The following CFAP20DC variants were observed in gnomAD, a reference collection of about 807,000 sequenced individuals.
CFAP20DC encodes protein CFAP20DC.
In CFAP20DC, 84 loss-of-function variants were observed where a neutral mutation model predicts 101.7. That is an observed-to-expected ratio of 0.83 (90% CI 0.69 to 0.99). CFAP20DC has a LOEUF of 0.99. CFAP20DC is among the 50% of genes least tolerant of loss of function. The pLI is 0.00. For missense variants in CFAP20DC, 1,007 were observed against 970.3 expected (o/e 1.04, Z -0.50); for synonymous variants, 359 against 351.2 (o/e 1.02, Z -0.25).
intron 4 of CFAP20DC, among the ~76,000 whole-genome samples, chr3:58,973,215 A>C (rs1213217589): frequency 1.3e-5 from 2 of 152,218 alleles, no homozygotes; most frequent in Non-Finnish European, 2.9e-5. Flanking sequence ...TGTTTAATTG[A>C]ATCTCTTCCT....
intron 5 of CFAP20DC, among the ~76,000 whole-genome samples, chr3:58,930,557 T>A (rs967594029): frequency 6.6e-6 from 1 of 152,230 alleles, no homozygotes; most frequent in Admixed American, 6.5e-5. Context: ...GTCCTAACTA[T>A]GACAGGGAGA....
chr3:58,802,563 A>G (rs1251061493), intron 15 of CFAP20DC, among the ~76,000 whole-genome samples: 1 of 152,234 alleles, frequency 6.6e-6, no homozygotes, highest in Non-Finnish European at 1.5e-5. Flanking sequence ...CATGCCTAAC[A>G]GCGTAAGGGG....
At chr3:59,009,767 G>A (rs921512194) in intron 4 of CFAP20DC, among the ~76,000 whole-genome samples, 14 of 152,112 alleles carry the variant, frequency 9.2e-5, no homozygotes, top group Non-Finnish European at 1.9e-4. Flanking sequence ...TAGGCACACA[G>A]TCATCAGGAC....
At chr3:58,749,620 A>T (rs1331975761) in intron 16 of CFAP20DC, among the ~76,000 whole-genome samples, 2 of 152,218 alleles carry the variant, frequency 1.3e-5, no homozygotes, top group Non-Finnish European at 2.9e-5. Flanking sequence ...TTTTTATGAG[A>T]ATCAGGCAAC....
chr3:58,938,190 T>C (rs1005010366), intron 4 of CFAP20DC, among the ~76,000 whole-genome samples: 1 of 152,234 alleles, frequency 6.6e-6, no homozygotes, highest in Non-Finnish European at 1.5e-5. Flanking sequence ...TCATTTTGTA[T>C]AGGCTCTTAG....
intron 6 of CFAP20DC, among the ~76,000 whole-genome samples, chr3:58,903,122 G>A (rs1333626898): frequency 6.6e-6 from 1 of 151,874 alleles, no homozygotes; most frequent in African/African-American, 2.4e-5. Flanking sequence ...CTTTCTTGAT[G>A]GTGTTCTTTG....
chr3:59,028,318 A>G (rs1413388202), intron 4 of CFAP20DC, among the ~76,000 whole-genome samples: 1 of 152,244 alleles, frequency 6.6e-6, no homozygotes, highest in Non-Finnish European at 1.5e-5. Context: ...GCAAAATGCT[A>G]AAACAAAATA....
intron 15 of CFAP20DC, among the ~76,000 whole-genome samples, chr3:58,801,048 A>AGT (rs2073656287): frequency 6.7e-6 from 1 of 149,470 alleles, no homozygotes; most frequent in Admixed American, 6.7e-5. Flanking sequence ...GTGGGGAGTA[A>AGT]GTGAGAGAGA....
intron 14 of CFAP20DC, among the ~76,000 whole-genome samples, chr3:58,815,777 C>T (rs2075075556): frequency 1.3e-5 from 2 of 149,664 alleles, no homozygotes; most frequent in African/African-American, 4.9e-5. Flanking sequence ...CATCACTGGC[C>T]ATCAGAGAAA....
intron 12 of CFAP20DC, chr3:58,862,183 G>C: frequency 1.0e-6 from 1 of 974,718 alleles, no homozygotes; most frequent in Non-Finnish European, 1.2e-6. Context: ...CCCACTATTA[G>C]AGTAATGCTT....
intron 6 of CFAP20DC, among the ~76,000 whole-genome samples, chr3:58,891,748 T>C (rs768662662): frequency 2.0e-5 from 3 of 152,216 alleles, no homozygotes; most frequent in Non-Finnish European, 4.4e-5. Context: ...TATTCTCCCA[T>C]TCTCTAAGTT....
intron 7 of CFAP20DC, among the ~76,000 whole-genome samples, chr3:58,880,539 A>G (rs1015331440): frequency 4.6e-5 from 7 of 152,178 alleles, no homozygotes; most frequent in Admixed American, 3.9e-4. Flanking sequence ...AATAGGTATG[A>G]GTCAATCCTG....
chr3:58,969,506 C>T (rs1168969887), intron 4 of CFAP20DC, among the ~76,000 whole-genome samples: 2 of 152,246 alleles, frequency 1.3e-5, no homozygotes, highest in East Asian at 3.9e-4. Context: ...TGTCCACACA[C>T]AAACTGGTAT....
At chr3:58,744,965 A>C (rs1229485452) in intron 16 of CFAP20DC, among the ~76,000 whole-genome samples, 1 of 152,160 alleles carries the variant, frequency 6.6e-6, no homozygotes, top group Non-Finnish European at 1.5e-5. Context: ...TCTGGGCTGC[A>C]GCAGTTTATA....
At chr3:58,789,145 C>T (rs1208677341) in intron 15 of CFAP20DC, among the ~76,000 whole-genome samples, 3 of 152,016 alleles carry the variant, frequency 2.0e-5, no homozygotes, top group Non-Finnish European at 2.9e-5. Flanking sequence ...TATATAACAC[C>T]TTTTAGAGAG....
At chr3:58,974,259 C>T (rs896387576) in intron 4 of CFAP20DC, among the ~76,000 whole-genome samples, 35 of 152,128 alleles carry the variant, frequency 2.3e-4, no homozygotes, top group Non-Finnish European at 2.5e-4. Flanking sequence ...GCCGTCCTCC[C>T]ACCTTCCCCC....
In CFAP20DC at chr3:58,795,075, C is replaced by T. The variant is rs946010271; in HGVS notation, c.2237+11320G>A. On this transcript the variant is annotated intron_variant, in intron 15 of 16. Transcript: ENST00000482387. The surrounding 1 kb of genome is among the most constrained non-coding windows in gnomAD (Gnocchi z 4.2). ...CTAAACCTCAACTTGCATTCCCTCC[C>T]CACCTCCAGACAGAATGGAGGTGAT... Among the ~76,000 whole-genome samples, 2 of 152,146 alleles carry T rather than the reference C, an allele frequency of 1.3e-5. No individual in the cohort carries two copies. Among genetic ancestry groups the T allele is most frequent in the African/African-American group, 4.8e-5 (2 of 41,414 alleles).
intron 7 of CFAP20DC, among the ~76,000 whole-genome samples, chr3:58,878,031 T>A (rs2080900648): frequency 6.6e-6 from 1 of 152,204 alleles, no homozygotes; most frequent in African/African-American, 2.4e-5. Context: ...AGCAGGCACA[T>A]GCAGAATGTA....
Position 58,830,457 on chromosome 3 carries a change from G to A in CFAP20DC, c.2175+1229C>T, listed in dbSNP as rs146853025. Among the ~76,000 whole-genome samples the A allele has an allele frequency of 6.2e-3, 948 of 152,254 alleles. 9 individuals are homozygous for A. Among genetic ancestry groups the A allele is most frequent in the African/African-American group, 0.022 (919 of 41,536 alleles). ...ACAGTGCTTACCACACAGAGTAGCCGTAAGGAGTAAACTAGATAACATGTA... is the reference window on the plus strand; with the variant it reads ...ACAGTGCTTACCACACAGAGTAGCCATAAGGAGTAAACTAGATAACATGTA... On this transcript the variant is annotated intron_variant, in intron 14 of 16. Coordinates refer to ENST00000482387, the MANE Select transcript of CFAP20DC (RefSeq NM_001394063.1).
Sources: allele counts gnomAD v4.1 joint callset (sites outside exome capture counted in the v4.1 genomes callset), GRCh38; gene constraint gnomAD v4.1.1; non-coding constraint Gnocchi (gnomAD v3.1); transcripts MANE v1.5; gene names NCBI Gene and HGNC (gene_info 2026-07-23, HGNC 2026-07-21).